Variants in ZNF362 observed in about 807,000 individuals in gnomAD.
The protein encoded by ZNF362 is rotund homolog.
In ZNF362, 11 loss-of-function variants were observed where a neutral mutation model predicts 42.9. The ratio of observed to expected loss-of-function variants is 0.26; its 90% confidence interval spans 0.16 to 0.42. The LOEUF (loss-of-function observed/expected upper bound fraction) is 0.42. Ranked by LOEUF, ZNF362 falls within the 20% of genes least tolerant of loss-of-function variation. The pLI, the probability that ZNF362 is intolerant of heterozygous loss-of-function variation, is 1.00. For missense variants in ZNF362, 362 were observed against 576.2 expected (o/e 0.63, Z 3.81); for synonymous variants, 255 against 257.3 (o/e 0.99, Z 0.09).
At chr1:33,186,938 A>G in the ZNF362 span, among the ~76,000 whole-genome samples, 2 of 150,762 alleles carry the variant, frequency 1.3e-5, no homozygotes, top group Non-Finnish European at 3.0e-5. Context: ...TAAAGTGAAA[A>G]TAGTTTATTT....
chr1:33,231,453 C>G, the ZNF362 span, among the ~76,000 whole-genome samples: 6 of 152,204 alleles, frequency 3.9e-5, no homozygotes, highest in South Asian at 1.2e-3. Context: ...AACAAATTAT[C>G]ATTGCAAAGT....
the ZNF362 span, among the ~76,000 whole-genome samples, chr1:33,238,694 G>C: frequency 6.6e-6 from 1 of 152,194 alleles, no homozygotes; most frequent in African/African-American, 2.4e-5. Flanking sequence ...GCCTTTAAAG[G>C]AGGTAATTAA....
the ZNF362 span, among the ~76,000 whole-genome samples, chr1:33,246,914 G>T: frequency 1.3e-5 from 2 of 152,222 alleles, no homozygotes; most frequent in African/African-American, 2.4e-5. Context: ...GTGGCTGACA[G>T]TCTGAACTGA....
intron 1 of ZNF362, among the ~76,000 whole-genome samples, chr1:33,269,644 C>A (rs918925652): frequency 1.4e-4 from 21 of 152,180 alleles, no homozygotes; most frequent in African/African-American, 4.3e-4. Context: ...TCAAGCGATT[C>A]TCCTGCCTCA....
rs968111914 is a variant in ZNF362, at chr1:33,299,155, G to A, written c.*109G>A. ...TCCAGGAACCACCAAGCTCTCTCAC[G>A]ACCTTCCCAATCTTCCAGAAAGCTT... On this transcript the variant is annotated 3_prime_UTR_variant, in exon 9 of 9. Transcript: ENST00000539719. 17 of 813,666 alleles carry A rather than the reference G, an allele frequency of 2.1e-5. No homozygotes were observed. The highest frequency in any genetic ancestry group is 1.1e-4 in the South Asian group (7 of 65,276). 50.4% of individuals were successfully genotyped at this position (813,666 alleles called of 1,614,324 possible).
At chr1:33,244,874 G>T in the ZNF362 span, among the ~76,000 whole-genome samples, 218 of 152,302 alleles carry the variant, frequency 1.4e-3, 1 homozygote, top group Non-Finnish European at 9.3e-4. The surrounding 1 kb of genome is among the most constrained non-coding windows in gnomAD (Gnocchi z 4.0). Flanking sequence ...GGGTTTAATC[G>T]CTGGGATTTT....
intron 6 of ZNF362, among the ~76,000 whole-genome samples, chr1:33,282,193 T>C (rs893997532): frequency 5.3e-5 from 8 of 152,190 alleles, no homozygotes; most frequent in African/African-American, 9.7e-5. Context: ...ATAGCAGTGG[T>C]AGGCTGTCAC....
the ZNF362 span, among the ~76,000 whole-genome samples, chr1:33,240,607 C>T: frequency 5.2e-4 from 78 of 150,444 alleles, 1 homozygote; most frequent in Non-Finnish European, 6.6e-4. Flanking sequence ...GACATTTTGC[C>T]CTGGTATATG....
chr1:33,233,444 C>T, the ZNF362 span, among the ~76,000 whole-genome samples: 9 of 151,746 alleles, frequency 5.9e-5, no homozygotes, highest in Non-Finnish European at 7.4e-5. Flanking sequence ...CGCTCTGTCG[C>T]CCAGGCTGGA....
the ZNF362 span, chr1:33,146,539 A>T: frequency 6.3e-6 from 1 of 159,608 alleles, no homozygotes; most frequent in African/African-American, 2.4e-5. Context: ...GTGGCACATG[A>T]CTATAATGTG....
the ZNF362 span, among the ~76,000 whole-genome samples, chr1:33,189,659 A>ACG: frequency 0.34 from 8,010 of 23,854 alleles, 885 homozygotes; most frequent in East Asian, 0.43. Context: ...ATATATATAT[A>ACG]TATATATATA....
At chr1:33,239,379 G>A in the ZNF362 span, among the ~76,000 whole-genome samples, 1 of 152,122 alleles carries the variant, frequency 6.6e-6, no homozygotes, top group African/African-American at 2.4e-5. Context: ...ATACTCACAT[G>A]GGTTTTTAAT....
intron 8 of ZNF362, among the ~76,000 whole-genome samples, chr1:33,297,562 A>T (rs569747423): frequency 7.8e-6 from 1 of 127,980 alleles, no homozygotes; most frequent in South Asian, 2.3e-4. Context: ...ACCCAGGTGG[A>T]GTGCAGTGGC....
the ZNF362 span, chr1:33,181,113 C>A: frequency 6.2e-7 from 1 of 1,600,216 alleles, no homozygotes; most frequent in South Asian, 1.1e-5. The surrounding 1 kb of genome is among the most constrained non-coding windows in gnomAD (Gnocchi z 6.5). Flanking sequence ...GAGAAGCGCG[C>A]GGTCCGTGAG....
chr1:33,166,019 T>G, the ZNF362 span: 1 of 152,882 alleles, frequency 6.5e-6, no homozygotes, highest in African/African-American at 2.4e-5. Context: ...TCCTCATCGC[T>G]GGCATTACCA....
chr1:33,185,371 G>A, the ZNF362 span, among the ~76,000 whole-genome samples: 12 of 151,774 alleles, frequency 7.9e-5, no homozygotes, highest in South Asian at 4.2e-4. Context: ...ACAGGTGCCC[G>A]CCACCACGCC....
Position 33,258,321 on chromosome 1 carries a change from C to T in ZNF362, c.-89+1667C>T, listed in dbSNP as rs574989422. Among the ~76,000 whole-genome samples the T allele has an allele frequency of 6.6e-5, 10 of 152,294 alleles. No individual in the cohort carries two copies. In the South Asian group the frequency reaches 2.1e-3, roughly 32 times the overall value. On this transcript the variant is annotated intron_variant, in intron 1 of 8. Coordinates refer to ENST00000539719, the MANE Select transcript of ZNF362 (RefSeq NM_152493.3). ...CCAAGGCACTGGGGCAGTGTTGGGC[C>T]TAGCCTCTCATGTGTCCCCTACCCC... is the stretch of plus-strand genomic sequence containing the variant.
chr1:33,252,412 C>T (rs568443279), upstream of ZNF362, among the ~76,000 whole-genome samples: 3 of 152,226 alleles, frequency 2.0e-5, no homozygotes, highest in East Asian at 3.9e-4. Flanking sequence ...ATTCTCTTTT[C>T]TTCTGCCATG....
chr1:33,193,204 A>G, the ZNF362 span, among the ~76,000 whole-genome samples: 3 of 152,190 alleles, frequency 2.0e-5, no homozygotes, highest in African/African-American at 7.2e-5. Flanking sequence ...AGAGCTAGGA[A>G]AGAGTCACCT....
Sources: gnomAD v4.1 joint callset for allele counts (sites outside exome capture counted in the v4.1 genomes callset) on GRCh38, gnomAD v4.1.1 for gene constraint, Gnocchi (gnomAD v3.1) non-coding constraint, MANE v1.5 for transcripts, NCBI Gene and HGNC (gene_info 2026-07-23, HGNC 2026-07-21) for gene names.